Variants in SAMMSON observed in about 807,000 individuals in gnomAD.
SAMMSON encodes the protein long intergenic non-protein coding RNA 1212.
chr3:70,081,782 A>G (rs1028551522), intron 4 of SAMMSON, among the ~76,000 whole-genome samples: 1 of 152,230 alleles, frequency 6.6e-6, no homozygotes, highest in Non-Finnish European at 1.5e-5. Flanking sequence ...ACAATGAACA[A>G]TCAATAGATA....
intron 7 of SAMMSON, among the ~76,000 whole-genome samples, chr3:70,325,934 C>G (rs1702578107): frequency 1.3e-5 from 2 of 152,130 alleles, no homozygotes; most frequent in African/African-American, 4.8e-5. Context: ...AACTGTGTTT[C>G]TTCACGTATT....
intron 4 of SAMMSON, among the ~76,000 whole-genome samples, chr3:70,077,555 T>G (rs1202922051): frequency 6.6e-6 from 1 of 152,218 alleles, no homozygotes; most frequent in Non-Finnish European, 1.5e-5. Context: ...GATAGATTTT[T>G]GAGTGTCTGT....
At chr3:70,147,648 A>G (rs1192516518) in intron 4 of SAMMSON, among the ~76,000 whole-genome samples, 1 of 152,114 alleles carries the variant, frequency 6.6e-6, no homozygotes, top group Non-Finnish European at 1.5e-5. Context: ...TTATATAAAC[A>G]TTAACTCAAA....
At chr3:70,363,794 C>T (rs1165815572) in intron 9 of SAMMSON, among the ~76,000 whole-genome samples, 1 of 93,578 alleles carries the variant, frequency 1.1e-5, no homozygotes, top group Non-Finnish European at 2.1e-5. Context: ...TGTGTTATTG[C>T]ATTGTCTGTG....
chr3:70,210,709 A>G (rs1701334762), intron 4 of SAMMSON, among the ~76,000 whole-genome samples: 1 of 152,140 alleles, frequency 6.6e-6, no homozygotes, highest in Non-Finnish European at 1.5e-5. Flanking sequence ...ATTAATTTAG[A>G]GAAAATAATT....
intron 3 of SAMMSON, among the ~76,000 whole-genome samples, chr3:70,055,804 G>C (rs987409335): frequency 1.3e-5 from 2 of 152,030 alleles, no homozygotes; most frequent in African/African-American, 4.8e-5. Flanking sequence ...TTCAGGATCT[G>C]AACCATCCTA....
intron 7 of SAMMSON, among the ~76,000 whole-genome samples, chr3:70,307,459 T>G (rs1053793225): frequency 6.6e-6 from 1 of 152,178 alleles, no homozygotes; most frequent in Non-Finnish European, 1.5e-5. Context: ...AGAATGCTCC[T>G]TGGCTTAATG....
At chr3:70,380,084 A>G (rs1161143612) in intron 9 of SAMMSON, among the ~76,000 whole-genome samples, 4 of 152,148 alleles carry the variant, frequency 2.6e-5, no homozygotes, top group Admixed American at 6.5e-5. Flanking sequence ...AAATACATTT[A>G]TATAAAGTGC....
chr3:70,290,860 G>T (rs1254945608), intron 6 of SAMMSON, among the ~76,000 whole-genome samples: 1 of 152,202 alleles, frequency 6.6e-6, no homozygotes, highest in Non-Finnish European at 1.5e-5. Context: ...GACTAGGAAA[G>T]GGAACTCGCT....
intron 6 of SAMMSON, among the ~76,000 whole-genome samples, chr3:70,289,528 A>G (rs1391108679): frequency 2.7e-5 from 4 of 147,900 alleles, no homozygotes; most frequent in Admixed American, 6.7e-5. Context: ...GAATCTGACA[A>G]TTATGTGTCT....
intron 2 of SAMMSON, among the ~76,000 whole-genome samples, chr3:70,411,822 T>C (rs1701221939): frequency 6.6e-6 from 1 of 152,200 alleles, no homozygotes; most frequent in Non-Finnish European, 1.5e-5. Context: ...TGTGAGTCCA[T>C]TAAACCTCTC....
intron 4 of SAMMSON, among the ~76,000 whole-genome samples, chr3:70,162,931 C>G (rs2067621865): frequency 6.6e-6 from 1 of 151,790 alleles, no homozygotes; most frequent in South Asian, 2.1e-4. Flanking sequence ...ATCTTAAAGT[C>G]TATTTTGTCT....
At chr3:70,076,730 T>C (rs1188135539) in intron 4 of SAMMSON, among the ~76,000 whole-genome samples, 1 of 152,180 alleles carries the variant, frequency 6.6e-6, no homozygotes, top group Non-Finnish European at 1.5e-5. Context: ...CACATGCTCC[T>C]TAGAAGCTCT....
intron 1 of SAMMSON, among the ~76,000 whole-genome samples, chr3:70,000,604 A>G (rs542783738): frequency 1.3e-5 from 2 of 152,334 alleles, no homozygotes; most frequent in Non-Finnish European, 2.9e-5. Context: ...TTTTCACATA[A>G]CAGAATGTTC....
intron 1 of SAMMSON, among the ~76,000 whole-genome samples, chr3:70,008,712 G>C (rs1306364516): frequency 2.6e-5 from 4 of 152,122 alleles, no homozygotes; most frequent in African/African-American, 7.2e-5. Flanking sequence ...TCCCTGTCTT[G>C]TGCCAGTTTT....
At chr3:70,191,765 G>A (rs1171698152) in intron 4 of SAMMSON, among the ~76,000 whole-genome samples, 2 of 151,234 alleles carry the variant, frequency 1.3e-5, no homozygotes, top group Non-Finnish European at 2.9e-5. Flanking sequence ...TAACTTTTTA[G>A]GCTTAGTGAT....
At chr3:70,317,025 G>T (rs1418020232) in intron 7 of SAMMSON, among the ~76,000 whole-genome samples, 1 of 152,046 alleles carries the variant, frequency 6.6e-6, no homozygotes, top group East Asian at 1.9e-4. Flanking sequence ...TCCTCTGGGG[G>T]TTACAATATG....
chr3:70,174,256 G>A (rs1009440076), intron 4 of SAMMSON, among the ~76,000 whole-genome samples: 2 of 151,956 alleles, frequency 1.3e-5, no homozygotes, highest in Non-Finnish European at 2.9e-5. Context: ...AACAAAAATT[G>A]TTTGTACTAG....
intron 4 of SAMMSON, among the ~76,000 whole-genome samples, chr3:70,213,089 A>C (rs1358345498): frequency 6.6e-6 from 1 of 152,060 alleles, no homozygotes; most frequent in African/African-American, 2.4e-5. Context: ...GATTACAGGC[A>C]TGAGCCACCA....
Sources: allele counts gnomAD v4.1 joint callset (sites outside exome capture counted in the v4.1 genomes callset), GRCh38; gene constraint gnomAD v4.1.1; transcripts MANE v1.5; gene names NCBI Gene and HGNC (gene_info 2026-07-23, HGNC 2026-07-21).